Variants in MED24 observed in about 807,000 individuals in gnomAD.
The protein encoded by MED24 is mediator complex subunit 24.
A neutral mutation model predicts 118.8 loss-of-function variants in MED24; 74 were observed. The observed-to-expected ratio is 0.62, with a 90% CI of 0.52 to 0.76. The LOEUF (loss-of-function observed/expected upper bound fraction) is 0.76. Among genes scored for constraint, MED24 ranks in the 30% least tolerant of loss-of-function variants. MED24 has a pLI of 0.00. For missense variants in MED24, 1,041 were observed against 1,278.9 expected (o/e 0.81, Z 2.84); for synonymous variants, 521 against 523.9 (o/e 0.99, Z 0.08).
intron 21 of MED24, 29 bp from the exon 22 acceptor site, chr17:40,022,513 C>G (rs1358548743): frequency 1.3e-6 from 2 of 1,597,866 alleles, no homozygotes; most frequent in Non-Finnish European, 1.7e-6. Flanking sequence ...AAAAGGGGGA[C>G]AGTGAGAGGT....
At chr17:40,023,067 G>C (rs984233691) in intron 20 of MED24, 64 bp downstream of exon 20, 2 of 1,561,630 alleles carry the variant, frequency 1.3e-6, no homozygotes, top group African/African-American at 2.7e-5. Flanking sequence ...TGGCAGACCA[G>C]GCCAGGTGTG....
rs1360694260 is a variant in MED24 at position 40,033,398 on chromosome 17, G to C, written c.618C>G (p.Leu206=). The C allele has an allele frequency of 1.2e-6, 2 of 1,611,644 alleles. No homozygotes were observed. The highest frequency in any genetic ancestry group is 1.7e-6 in the Non-Finnish European group (2 of 1,178,860). Residue 206 remains leucine, a synonymous_variant, in exon 7 of 26, where the codon CTC becomes CTG. Coordinates refer to ENST00000394128, the MANE Select transcript of MED24 (RefSeq NM_014815.4). This position sits in a 1 kb window ranked among gnomAD's most constrained non-coding sequence, Gnocchi z 5.2. Reference sequence around the variant, plus strand: ...CCTGACTCCGGAGCTGCGGGTTGCTGAGATTGGCCAGGATCTCTCCAAGTT... The same window carrying C: ...CCTGACTCCGGAGCTGCGGGTTGCTCAGATTGGCCAGGATCTCTCCAAGTT... ...LLKLGEILAN[L]SNPQLRSQAE... is the part of the protein sequence containing the mutation.
At position 40,026,873 on chromosome 17, in the gene MED24, G is replaced by A. The variant is rs759480952; in HGVS notation, c.1692C>T (p.Ser564=). 1.2e-6 allele frequency: 2 copies of A among 1,613,334 alleles called. No individual in the cohort carries two copies. Among genetic ancestry groups the A allele is most frequent in the Non-Finnish European group, 1.7e-6 (2 of 1,179,568 alleles). The change falls in exon 17 of 26, where the codon TCC becomes TCT. Residue 564 remains serine, a synonymous_variant. Transcript: ENST00000394128. ...VESLVALLNN[S]SEMKLVQMKW... is the part of the protein sequence containing the mutation. ...CCACTGACACTAGCTTCATCTCCGA[G>A]GAGTTGTTGAGCAGGGCCACCAGGG...
chr17:40,042,954 T>C (rs1344231369), intron 3 of MED24, among the ~76,000 whole-genome samples: 1 of 152,218 alleles, frequency 6.6e-6, no homozygotes, highest in Non-Finnish European at 1.5e-5. Flanking sequence ...TACGTATGTA[T>C]GTATTTATTT....
intron 3 of MED24, among the ~76,000 whole-genome samples, chr17:40,048,515 A>T (rs1249072260): frequency 6.6e-6 from 1 of 152,162 alleles, no homozygotes; most frequent in African/African-American, 2.4e-5. Context: ...TAGATAAAAG[A>T]TCTATTCAAG....
At chr17:40,049,566 C>T (rs996638231) in intron 3 of MED24, among the ~76,000 whole-genome samples, 4 of 152,064 alleles carry the variant, frequency 2.6e-5, no homozygotes, top group African/African-American at 9.7e-5. Context: ...CTCGCTCTGT[C>T]ACCAGACTGG....
chr17:40,041,052 TAA>T (rs1192745528), intron 3 of MED24, among the ~76,000 whole-genome samples: 1 of 152,118 alleles, frequency 6.6e-6, no homozygotes, highest in Non-Finnish European at 1.5e-5. Flanking sequence ...CCGGACAACA[TAA>T]GAGTCTTCTA....
intron 12 of MED24, among the ~76,000 whole-genome samples, chr17:40,030,857 C>T (rs1175987828): frequency 6.6e-6 from 1 of 152,000 alleles, no homozygotes; most frequent in Non-Finnish European, 1.5e-5. Context: ...TGGGGTTTTG[C>T]CATGTTGGGC....
Position 40,029,822 on chromosome 17 carries a change from C to T in MED24, c.1192G>A (p.Gly398Arg), listed in dbSNP as rs770292330. 6.2e-7 allele frequency: 1 copy of T among 1,614,068 alleles called. No individual in the cohort carries two copies. The highest frequency in any genetic ancestry group is 1.1e-5 in the South Asian group (1 of 91,074). ...DREHAPQQKS[G>R]ENANIQPNIQ... ...TTGGGCTGGATGTTGGCATTCTCTC[C>T]CGATTTCTGCTGGGGTGCGTGCTCT... Residue 398 changes from glycine to arginine, a missense_variant, in exon 13 of 26, where the codon GGA becomes AGA. Around this residue, in one of 3 missense-constraint regions of MED24, gnomAD observed 434 missense variants for 514.9 expected, o/e 0.84. Coordinates refer to ENST00000394128, the MANE Select transcript of MED24 (RefSeq NM_014815.4).
intron 11 of MED24, 67 bp downstream of exon 11, chr17:40,031,471 C>A: frequency 6.8e-7 from 1 of 1,476,804 alleles, no homozygotes; most frequent in Non-Finnish European, 9.4e-7. Context: ...GCTTCTCTGG[C>A]ACAGAGATCA....
In MED24 at chr17:40,022,627, C is replaced by A. The variant is rs1196398655; in HGVS notation, c.2432+18G>T. ...CCCTGGGTGGCCGGAGCAGGGCAAG[C>A]TCTGAAGAGAATCTTACTTGGCAAG... On this transcript the variant is annotated intron_variant, in intron 21 of 25. Coordinates refer to ENST00000394128, the MANE Select transcript of MED24 (RefSeq NM_014815.4). 1 of 1,612,528 alleles carries A rather than the reference C, an allele frequency of 6.2e-7. No homozygotes were observed. The highest frequency in any genetic ancestry group is 1.3e-5 in the African/African-American group (1 of 74,854).
intron 3 of MED24, among the ~76,000 whole-genome samples, chr17:40,044,550 T>G (rs1444348639): frequency 6.7e-6 from 1 of 148,954 alleles, no homozygotes; most frequent in Non-Finnish European, 1.5e-5. Flanking sequence ...AAAATGCACA[T>G]TATAATATGA....
At chr17:40,042,396 C>T (rs761887777) in intron 3 of MED24, among the ~76,000 whole-genome samples, 1 of 152,104 alleles carries the variant, frequency 6.6e-6, no homozygotes, top group African/African-American at 2.4e-5. Flanking sequence ...AGAAAGAGGC[C>T]GGGCGCAGTG....
chr17:40,032,318 A>C, intron 9 of MED24: 1 of 587,638 alleles, frequency 1.7e-6, no homozygotes, highest in East Asian at 2.9e-5. Flanking sequence ...CCGCTAGCTC[A>C]ACAGAAAAAG....
chr17:40,034,402 G>A (rs1983712671), intron 6 of MED24, among the ~76,000 whole-genome samples: 1 of 152,206 alleles, frequency 6.6e-6, no homozygotes, highest in Non-Finnish European at 1.5e-5. Flanking sequence ...AGGTCCTGAA[G>A]CCTCGAGAGT....
chr17:40,030,768 C>T (rs572888175), intron 12 of MED24, among the ~76,000 whole-genome samples: 6 of 152,058 alleles, frequency 3.9e-5, no homozygotes, highest in African/African-American at 1.2e-4. Context: ...AAGCAATTCT[C>T]GTGCCTCAGC....
At chr17:40,035,404 C>G (rs1335142155) in intron 5 of MED24, 55 bp from the exon 6 acceptor site, 8 of 1,499,528 alleles carry the variant, frequency 5.3e-6, no homozygotes, top group Non-Finnish European at 6.3e-6. Flanking sequence ...GAAATCCGAC[C>G]CACATCAATG....
chr17:40,048,810 C>T (rs1436935210), intron 3 of MED24, among the ~76,000 whole-genome samples: 1 of 152,132 alleles, frequency 6.6e-6, no homozygotes, highest in Non-Finnish European at 1.5e-5. Flanking sequence ...CCACCTCAGC[C>T]TCCCAAAGTG....
chr17:40,032,174 TG>T, intron 9 of MED24, 84 bp from the exon 10 acceptor site: 2 of 1,472,330 alleles, frequency 1.4e-6, no homozygotes, highest in Non-Finnish European at 1.9e-6. Context: ...CCCGAACCCC[TG>T]CTCCAGGAAG....
Sources: gnomAD v4.1 joint callset for allele counts (sites outside exome capture counted in the v4.1 genomes callset) on GRCh38, gnomAD v4.1.1 for gene constraint, gnomAD v4.1.1 regional missense constraint, Gnocchi (gnomAD v3.1) non-coding constraint, MANE v1.5 for transcripts, NCBI Gene and HGNC (gene_info 2026-07-23, HGNC 2026-07-21) for gene names.